STXBP5L: variants seen among roughly 807,000 people sequenced by gnomAD.
STXBP5L encodes syntaxin binding protein 5L.
A neutral mutation model predicts 144.5 loss-of-function variants in STXBP5L; 65 were observed. The observed-to-expected ratio is 0.45, with a 90% CI of 0.37 to 0.55. The LOEUF is 0.55. Ranked by LOEUF, STXBP5L falls within the 20% of genes least tolerant of loss-of-function variation. The probability of loss-of-function intolerance (pLI) is 0.00; values close to 1 mark genes in which losing one functional copy is unlikely to be tolerated. For synonymous variants in STXBP5L, 505 were observed against 469.6 expected, an observed-to-expected ratio of 1.08 and a Z score of -0.97; for missense variants, 1,298 against 1,405.5, an observed-to-expected ratio of 0.92 and a Z score of 1.22.
chr3:120,911,506 G>T (rs1708840326), intron 2 of STXBP5L, among the ~76,000 whole-genome samples: 1 of 152,074 alleles, frequency 6.6e-6, no homozygotes, highest in Non-Finnish European at 1.5e-5. Flanking sequence ...AGGAATAAGT[G>T]TATCTGCTCT....
intron 3 of STXBP5L, among the ~76,000 whole-genome samples, chr3:120,978,013 A>G (rs1351428057): frequency 6.6e-6 from 1 of 152,106 alleles, no homozygotes; most frequent in African/African-American, 2.4e-5. Context: ...GAATATGACA[A>G]TTATGTGTCT....
At chr3:121,397,234 A>G (rs1294571225) in intron 22 of STXBP5L, among the ~76,000 whole-genome samples, 1 of 152,236 alleles carries the variant, frequency 6.6e-6, no homozygotes, top group Non-Finnish European at 1.5e-5. Flanking sequence ...ATCTATGACT[A>G]TTAAAGGCCA....
intron 20 of STXBP5L, among the ~76,000 whole-genome samples, chr3:121,346,361 T>C (rs1202414028): frequency 1.3e-5 from 2 of 152,102 alleles, no homozygotes; most frequent in African/African-American, 2.4e-5. Context: ...CTGATGGGCA[T>C]TGGGGTTGGT....
chr3:121,096,174 A>T (rs1371443946), intron 5 of STXBP5L, among the ~76,000 whole-genome samples: 1 of 151,940 alleles, frequency 6.6e-6, no homozygotes, highest in Non-Finnish European at 1.5e-5. Flanking sequence ...TGCAGAAATC[A>T]CCCATCTTCT....
intron 3 of STXBP5L, among the ~76,000 whole-genome samples, chr3:121,018,117 G>A (rs1416328109): frequency 6.6e-6 from 1 of 152,024 alleles, no homozygotes; most frequent in Non-Finnish European, 1.5e-5. Context: ...AGATATTCCA[G>A]GTACATGGAT....
chr3:121,210,966 A>G (rs1398872972), intron 10 of STXBP5L, among the ~76,000 whole-genome samples: 1 of 152,320 alleles, frequency 6.6e-6, no homozygotes, highest in African/African-American at 2.4e-5. Context: ...AATTCTGTGA[A>G]GAAAGTCATT....
intron 10 of STXBP5L, among the ~76,000 whole-genome samples, chr3:121,217,724 T>G (rs1390064452): frequency 6.6e-6 from 1 of 152,096 alleles, no homozygotes; most frequent in Non-Finnish European, 1.5e-5. Flanking sequence ...CTTATAATCT[T>G]TATTGTGTTA....
At chr3:121,381,661 G>A (rs2046327698) in intron 22 of STXBP5L, 129 bp downstream of exon 22, 15 of 1,216,112 alleles carry the variant, frequency 1.2e-5, no homozygotes, top group Non-Finnish European at 1.7e-5. Context: ...GAACTATTAA[G>A]AATTTTATAC....
intron 9 of STXBP5L, among the ~76,000 whole-genome samples, chr3:121,167,852 C>A (rs2046557931): frequency 6.6e-6 from 1 of 152,214 alleles, no homozygotes. Flanking sequence ...ATTGCCTCCT[C>A]AAGTGGGTCC....
chr3:121,348,028 C>A (rs951325586), intron 20 of STXBP5L, among the ~76,000 whole-genome samples: 7 of 151,756 alleles, frequency 4.6e-5, no homozygotes, highest in African/African-American at 1.7e-4. Flanking sequence ...GCATCCCTGT[C>A]TTGTACCAGT....
intron 19 of STXBP5L, among the ~76,000 whole-genome samples, chr3:121,314,808 T>C (rs2043722293): frequency 6.6e-6 from 1 of 151,670 alleles, no homozygotes; most frequent in Admixed American, 6.6e-5. Flanking sequence ...AACAACCCCA[T>C]CAAAAAATGG....
intron 22 of STXBP5L, among the ~76,000 whole-genome samples, chr3:121,391,351 A>T (rs1441610862): frequency 2.6e-5 from 4 of 151,800 alleles, no homozygotes; most frequent in Non-Finnish European, 4.4e-5. Context: ...TAGCTTGGAG[A>T]AGTTTCTTAT....
At position 121,080,027 on chromosome 3, in the gene STXBP5L, A is replaced by G. The variant is rs142867327; in HGVS notation, c.470+34492A>G. On this transcript the variant is annotated intron_variant, in intron 5 of 26. Transcript: ENST00000471454. ...TCCAGTGTTAGGTGGATATAAATTT[A>G]GAATTGTAATATCTTCCTTTTAGAC... Among the ~76,000 whole-genome samples the G allele has an allele frequency of 1.1e-4, 16 of 152,330 alleles. No individual in the cohort carries two copies. The East Asian group carries it at 3.1e-3, about 29-fold the overall frequency.
intron 6 of STXBP5L, among the ~76,000 whole-genome samples, chr3:121,115,365 C>G (rs764959253): frequency 5.3e-5 from 8 of 152,152 alleles, no homozygotes; most frequent in Non-Finnish European, 8.8e-5. Context: ...AGTATAGCAA[C>G]TTTCAGTGAG....
At chr3:121,407,186 C>A (rs1024962583) in intron 22 of STXBP5L, 57 bp from the exon 23 acceptor site, 19 of 1,511,372 alleles carry the variant, frequency 1.3e-5, no homozygotes, top group Non-Finnish European at 1.7e-5. Context: ...ACTTTAATTC[C>A]CTATAGATGC....
At chr3:120,938,241 T>C (rs1576449667) in intron 2 of STXBP5L, among the ~76,000 whole-genome samples, 2 of 152,152 alleles carry the variant, frequency 1.3e-5, no homozygotes, top group Non-Finnish European at 2.9e-5. Flanking sequence ...ATTATTAACA[T>C]CTTCCTTGTC....
At chr3:121,173,027 A>G (rs2046788665) in intron 9 of STXBP5L, among the ~76,000 whole-genome samples, 1 of 152,110 alleles carries the variant, frequency 6.6e-6, no homozygotes, top group South Asian at 2.1e-4. Flanking sequence ...CATGTTCTTT[A>G]TAAGGACATG....
intron 7 of STXBP5L, among the ~76,000 whole-genome samples, chr3:121,139,680 T>A (rs1264477926): frequency 1.3e-5 from 2 of 152,094 alleles, no homozygotes; most frequent in African/African-American, 4.8e-5. Flanking sequence ...CACCATCATT[T>A]AGGCTCAAAA....
chr3:121,009,131 G>A (rs2108117504), intron 3 of STXBP5L, among the ~76,000 whole-genome samples: 1 of 152,072 alleles, frequency 6.6e-6, no homozygotes, highest in East Asian at 1.9e-4. Flanking sequence ...CATTATGAAG[G>A]CAGTGGGGTG....
Sources: allele counts gnomAD v4.1 joint callset (sites outside exome capture counted in the v4.1 genomes callset), GRCh38; gene constraint gnomAD v4.1.1; transcripts MANE v1.5; gene names NCBI Gene and HGNC (gene_info 2026-07-23, HGNC 2026-07-21).